EEF1AKMT2: variants seen among roughly 807,000 people sequenced by gnomAD.
EEF1AKMT2 encodes the protein eukaryotic translation elongation factor 1 alpha lysine methyltransferase 2.
Under a neutral mutation model 35.8 loss-of-function variants are expected in EEF1AKMT2, and 32 were observed. The ratio of observed to expected loss-of-function variants is 0.89; its 90% confidence interval spans 0.67 to 1.20. The LOEUF is 1.20. EEF1AKMT2 is among the 50% of genes most tolerant of loss of function. The pLI is 0.00. For synonymous variants in EEF1AKMT2, 121 were observed against 133.7 expected (o/e 0.91, Z 0.65); for missense variants, 330 against 347.5 (o/e 0.95, Z 0.40).
At chr10:124,775,954 G>C (rs946008820) in intron 3 of EEF1AKMT2, among the ~76,000 whole-genome samples, 1 of 148,950 alleles carries the variant, frequency 6.7e-6, no homozygotes, top group African/African-American at 2.5e-5. Context: ...GTCTCGCTCT[G>C]TCGCCCAGGC....
rs566427168 is a variant in EEF1AKMT2, at chr10:124,762,398, A to G, written c.777T>C (p.Val259=). The G allele has an allele frequency of 3.3e-4, 424 of 1,295,078 alleles. 1 individual carries two copies. Among genetic ancestry groups the G allele is most frequent in the Non-Finnish European group, 2.7e-4 (266 of 981,624 alleles). 80.2% of individuals were successfully genotyped at this position (1,295,078 alleles called of 1,614,324 possible). A position where few individuals can be genotyped will look rare whatever the true frequency, so the allele number is the denominator to read the frequency against. ...CCAGGAGTTCCAGACCAGCCTGGAC[A>G]ACATGGCAAAACCTCGTCTCTGCTA... ...VFLAETRFCH[V]VQAGLELLGS... The change falls in exon 6 of 7, where the codon GTT becomes GTC. Residue 259 remains valine, a synonymous_variant. Coordinates refer to ENST00000368836, the MANE Select transcript of EEF1AKMT2 (RefSeq NM_212554.4).
At position 124,789,078 on chromosome 10, in the gene EEF1AKMT2, T is replaced by C. The variant is rs566141894; in HGVS notation, c.256A>G (p.Ile86Val). ...KIPLDASVLD[I>V]GTGNGVFLVE... ...AGGAAAACACCATTTCCAGTTCCAA[T>C]ATCAAGCACTGAAGCATCCAGTGGA... is the stretch of plus-strand genomic sequence containing the variant. The change falls in exon 3 of 7, where the codon ATT becomes GTT. Residue 86 changes from isoleucine to valine, a missense_variant. Transcript: ENST00000368836. 3 of 1,613,482 alleles carry C rather than the reference T, an allele frequency of 1.9e-6. No homozygotes were observed. The highest frequency in any genetic ancestry group is 2.7e-5 in the African/African-American group (2 of 75,034).
intron 3 of EEF1AKMT2, among the ~76,000 whole-genome samples, chr10:124,788,147 C>T (rs189022046): frequency 1.3e-5 from 2 of 152,268 alleles, no homozygotes; most frequent in African/African-American, 4.8e-5. Flanking sequence ...CTTCAGCCTT[C>T]AGGCCTTTAG....
intron 4 of EEF1AKMT2, among the ~76,000 whole-genome samples, chr10:124,771,563 A>G (rs1950436482): frequency 6.6e-6 from 1 of 152,244 alleles, no homozygotes; most frequent in Non-Finnish European, 1.5e-5. Context: ...ATCCTGTGTT[A>G]ACAGGCATAA....
At chr10:124,789,980 C>G (rs1280671744) in intron 2 of EEF1AKMT2, among the ~76,000 whole-genome samples, 1 of 151,888 alleles carries the variant, frequency 6.6e-6, no homozygotes, top group Non-Finnish European at 1.5e-5. Context: ...CAATCTCCGC[C>G]TCCCAGGTTC....
chr10:124,775,279 C>T (rs1027149522), intron 3 of EEF1AKMT2, among the ~76,000 whole-genome samples: 1 of 152,158 alleles, frequency 6.6e-6, no homozygotes, highest in African/African-American at 2.4e-5. Flanking sequence ...ACTACTTTTA[C>T]GTCTTTAAAA....
At chr10:124,771,227 G>A (rs1022468646) in intron 4 of EEF1AKMT2, among the ~76,000 whole-genome samples, 2 of 151,832 alleles carry the variant, frequency 1.3e-5, no homozygotes, top group Non-Finnish European at 2.9e-5. Flanking sequence ...AGCCTCCCAA[G>A]TAGCTGAGAC....
chr10:124,772,654 C>G (rs1950448513), intron 4 of EEF1AKMT2, among the ~76,000 whole-genome samples: 1 of 152,098 alleles, frequency 6.6e-6, no homozygotes, highest in Non-Finnish European at 1.5e-5. Flanking sequence ...TCTTAAACTC[C>G]TGGCCTCAGG....
intron 4 of EEF1AKMT2, among the ~76,000 whole-genome samples, chr10:124,769,218 C>CAAAAAAAAAAAAAAAAAAAAAA (rs1554917142): frequency 1.9e-4 from 6 of 31,296 alleles, no homozygotes; most frequent in East Asian, 1.2e-3. Context: ...ACACTGTCTC[C>CAAAAAAAAAAAAAAAAAAAAAA]AAAAAAAAAA....
At chr10:124,772,185 C>T (rs1205203716) in intron 4 of EEF1AKMT2, among the ~76,000 whole-genome samples, 1 of 152,086 alleles carries the variant, frequency 6.6e-6, no homozygotes, top group East Asian at 1.9e-4. Flanking sequence ...ATAATGTCAG[C>T]CTCTCCTCTG....
chr10:124,789,876 G>A (rs1197252896), intron 2 of EEF1AKMT2, among the ~76,000 whole-genome samples: 1 of 148,582 alleles, frequency 6.7e-6, no homozygotes, highest in Non-Finnish European at 1.5e-5. Flanking sequence ...CTTTCTTTGG[G>A]TATAAGCACT....
At chr10:124,782,891 G>A (rs553302357) in intron 3 of EEF1AKMT2, 45 of 349,430 alleles carry the variant, frequency 1.3e-4, no homozygotes, top group Non-Finnish European at 2.4e-4. Context: ...TAATCACATT[G>A]AACATAAATG....
intron 3 of EEF1AKMT2, among the ~76,000 whole-genome samples, chr10:124,777,502 G>A (rs1228106153): frequency 1.3e-5 from 2 of 151,806 alleles, no homozygotes; most frequent in East Asian, 1.9e-4. Context: ...TAGCACGATG[G>A]TATCTGTGTA....
intron 5 of EEF1AKMT2, 25 bp downstream of exon 5, chr10:124,765,367 A>T (rs906010741): frequency 8.2e-6 from 13 of 1,593,344 alleles, no homozygotes; most frequent in African/African-American, 1.3e-5. Flanking sequence ...GTAAGCACAC[A>T]TTTAAACACC....
chr10:124,760,406 GTC>G lies in EEF1AKMT2; in HGVS notation c.*95_*96del. The stretch of plus-strand genomic sequence containing the variant: ...GCTACCTGAATTCGTCCAAGAAAAA[GTC>G]TCACATTTTTTGGAAAACCAATGCT... On this transcript the variant is annotated 3_prime_UTR_variant, in exon 7 of 7. Coordinates refer to ENST00000368836, the MANE Select transcript of EEF1AKMT2 (RefSeq NM_212554.4). 1 of 1,607,318 alleles carries G rather than the reference GTC, an allele frequency of 6.2e-7. No individual in the cohort carries two copies. The highest frequency in any genetic ancestry group is 8.5e-7 in the Non-Finnish European group (1 of 1,174,300).
intron 3 of EEF1AKMT2, chr10:124,782,807 C>T (rs1262925187): frequency 3.6e-5 from 6 of 167,880 alleles, no homozygotes; most frequent in Non-Finnish European, 6.8e-5. Context: ...GAGTGAAACT[C>T]TGTCTCAAAA....
intron 5 of EEF1AKMT2, among the ~76,000 whole-genome samples, chr10:124,763,331 A>T (rs1333497556): frequency 6.6e-6 from 1 of 152,226 alleles, no homozygotes; most frequent in East Asian, 1.9e-4. Flanking sequence ...AAAATGCAAG[A>T]TCTGTTTCAA....
chr10:124,782,580 T>G (rs1950551168), intron 3 of EEF1AKMT2, among the ~76,000 whole-genome samples: 1 of 35,482 alleles, frequency 2.8e-5, no homozygotes. Flanking sequence ...AGACTCCGTC[T>G]CAAAAAAAAA....
chr10:124,772,460 G>T (rs1173595194), intron 4 of EEF1AKMT2, among the ~76,000 whole-genome samples: 1 of 111,608 alleles, frequency 9.0e-6, no homozygotes, highest in Non-Finnish European at 1.6e-5. Context: ...ATGGAGTCTC[G>T]CTCTGTTGCC....
Sources: gnomAD v4.1 joint callset for allele counts (sites outside exome capture counted in the v4.1 genomes callset) on GRCh38, gnomAD v4.1.1 for gene constraint, MANE v1.5 for transcripts, NCBI Gene and HGNC (gene_info 2026-07-23, HGNC 2026-07-21) for gene names.